The following SUGT1 variants were observed in gnomAD, a reference collection of about 807,000 sequenced individuals.
The protein encoded by SUGT1 is SGT1 assembly cochaperone of MIS12 kinetochore complex.
A neutral mutation model predicts 56.1 loss-of-function variants in SUGT1; 15 were observed. That is an observed-to-expected ratio of 0.27 (90% CI 0.18 to 0.41). SUGT1 has a LOEUF of 0.41. Among genes scored for constraint, SUGT1 ranks in the 10% least tolerant of loss-of-function variants. SUGT1 has a pLI of 1.00. For synonymous variants in SUGT1, 123 were observed against 128.6 expected (o/e 0.96, Z 0.30); for missense variants, 347 against 382.2 (o/e 0.91, Z 0.77).
At chr13:52,657,655 T>G (rs549516637) in intron 3 of SUGT1, 33 bp downstream of exon 3, 1 of 1,564,206 alleles carries the variant, frequency 6.4e-7, no homozygotes, top group East Asian at 2.2e-5. Flanking sequence ...TTGCCCCCTT[T>G]TAATAAGTTA....
At chr13:52,657,504 C>T (rs753744679) in intron 2 of SUGT1, 28 bp from the exon 3 acceptor site, 2 of 1,594,590 alleles carry the variant, frequency 1.3e-6, no homozygotes, top group Non-Finnish European at 1.7e-6. Flanking sequence ...CAAACTTTTA[C>T]TGACGCTCCA....
chr13:52,676,336 T>A lies in SUGT1; in HGVS notation c.718+16T>A. 6.3e-7 allele frequency: 1 copy of A among 1,596,484 alleles called. No homozygotes were observed. The highest frequency in any genetic ancestry group is 1.3e-5 in the African/African-American group (1 of 74,322). ...TTCGTAGCAGGTTTGTTTTCTGGCC[T>A]TGATGAGCTTTATATTCATATTGTG... On this transcript the variant is annotated intron_variant, in intron 11 of 12. Transcript: ENST00000310528.
intron 12 of SUGT1, chr13:52,687,482 G>C (rs1435900864): frequency 8.6e-6 from 2 of 232,932 alleles, no homozygotes; most frequent in African/African-American, 4.5e-5. Flanking sequence ...ACTACTTTAG[G>C]ATTTCCTTTT....
rs1249023865 is a variant in SUGT1 at position 52,657,516 on chromosome 13, A to G, written c.97-16A>G. The stretch of plus-strand genomic sequence containing the variant: ...TTACAAACTTTTACTGACGCTCCAC[A>G]TGTTTGTTTTTGTAGGAGCTGACTA... On this transcript the variant is annotated splice_polypyrimidine_tract_variant and intron_variant, in intron 2 of 12. Transcript: ENST00000310528. 1.2e-6 allele frequency: 2 copies of G among 1,608,612 alleles called. No homozygotes were observed. Among genetic ancestry groups the G allele is most frequent in the African/African-American group, 1.3e-5 (1 of 74,760 alleles).
At chr13:52,661,567 A>G (rs962327842) in intron 5 of SUGT1, 16 of 415,666 alleles carry the variant, frequency 3.8e-5, no homozygotes, top group Non-Finnish European at 7.2e-5. Context: ...TGCTGGGATT[A>G]CAGGTATGAG....
chr13:52,662,974 A>T, intron 6 of SUGT1, 122 bp from the exon 7 acceptor site: 3 of 1,102,552 alleles, frequency 2.7e-6, no homozygotes, highest in South Asian at 3.2e-5. Context: ...ACTTTTCTTT[A>T]GTTGAAAGGT....
chr13:52,684,809 T>C (rs1469524738), intron 12 of SUGT1, among the ~76,000 whole-genome samples: 1 of 152,042 alleles, frequency 6.6e-6, no homozygotes, highest in African/African-American at 2.4e-5. Context: ...ATTACAGGCA[T>C]GAGCCACCAC....
intron 2 of SUGT1, among the ~76,000 whole-genome samples, chr13:52,654,610 C>T (rs905089868): frequency 6.6e-6 from 1 of 152,202 alleles, no homozygotes; most frequent in Non-Finnish European, 1.5e-5. Context: ...TTCTTACTGT[C>T]CTGCTGACTC....
rs1963787310 is a variant in SUGT1 at position 52,691,852 on chromosome 13, C to T, written c.*4017C>T. 6.6e-6 allele frequency: 1 copy of T among 151,832 alleles called. No individual in the cohort carries two copies. The highest frequency in any genetic ancestry group is 6.6e-5 in the Admixed American group (1 of 15,250). 9.4% of individuals were successfully genotyped at this position (151,832 alleles called of 1,614,324 possible). On this transcript the variant is annotated 3_prime_UTR_variant, in exon 13 of 13. Coordinates refer to ENST00000310528, the MANE Select transcript of SUGT1 (RefSeq NM_006704.5). ...GGGTTCATCTCTTTTGATGTGGTTT[C>T]CCTTTCTCCATCTGTGCATTTTTTA...
At chr13:52,681,760 A>G (rs1047599619) in intron 12 of SUGT1, among the ~76,000 whole-genome samples, 4 of 151,274 alleles carry the variant, frequency 2.6e-5, no homozygotes, top group Non-Finnish European at 5.9e-5. Flanking sequence ...GTTTGAGCCC[A>G]GGAGTTCAAG....
At position 52,680,027 on chromosome 13, in the gene SUGT1, T is replaced by C; in HGVS notation, c.772T>C (p.Leu258=). 6.2e-7 allele frequency: 1 copy of C among 1,602,836 alleles called. No individual in the cohort carries two copies. The highest frequency in any genetic ancestry group is 8.5e-7 in the Non-Finnish European group (1 of 1,177,100). ...TCCTTATACAAGAAATTGGGATAAATTGGTTGGTGAGATCAAAGAAGAAGA... is the reference window on the plus strand; with the variant it reads ...TCCTTATACAAGAAATTGGGATAAACTGGTTGGTGAGATCAAAGAAGAAGA... ...SSPYTRNWDK[L]VGEIKEEEKN... The change falls in exon 12 of 13, where the codon TTG becomes CTG. Residue 258 remains leucine, a synonymous_variant. Coordinates refer to ENST00000310528, the MANE Select transcript of SUGT1 (RefSeq NM_006704.5).
At chr13:52,658,891 T>A (rs1303641025) in intron 4 of SUGT1, among the ~76,000 whole-genome samples, 1 of 152,104 alleles carries the variant, frequency 6.6e-6, no homozygotes, top group Non-Finnish European at 1.5e-5. Context: ...TTGATAAGTA[T>A]AACTATTCTT....
At chr13:52,687,123 T>G (rs1963626633) in intron 12 of SUGT1, 1 of 149,624 alleles carries the variant, frequency 6.7e-6, no homozygotes, top group Non-Finnish European at 1.5e-5. Context: ...TAAAATATAT[T>G]AATGAATATG....
intron 3 of SUGT1, 29 bp from the exon 4 acceptor site, chr13:52,658,370 T>C (rs1962262389): frequency 6.2e-7 from 1 of 1,608,002 alleles, no homozygotes; most frequent in African/African-American, 1.3e-5. Flanking sequence ...TATAAATAAC[T>C]GACTAAAAAC....
At chr13:52,667,590 C>T (rs1416738048) in intron 10 of SUGT1, among the ~76,000 whole-genome samples, 1 of 150,844 alleles carries the variant, frequency 6.6e-6, no homozygotes, top group African/African-American at 2.4e-5. Context: ...TTTTTTTAAA[C>T]TGAATTTTAG....
At chr13:52,681,776 A>G (rs1292085359) in intron 12 of SUGT1, among the ~76,000 whole-genome samples, 9 of 151,628 alleles carry the variant, frequency 5.9e-5, no homozygotes, top group Admixed American at 5.3e-4. Context: ...TCAAGGTTGC[A>G]GTGAGCTATG....
At chr13:52,662,757 A>T (rs1328688709) in intron 6 of SUGT1, 55 bp downstream of exon 6, 2 of 1,568,954 alleles carry the variant, frequency 1.3e-6, no homozygotes, top group East Asian at 4.5e-5. Context: ...AAACATCTGA[A>T]ATTTTTTTGG....
chr13:52,675,918 G>C (rs1365470870), intron 10 of SUGT1, among the ~76,000 whole-genome samples: 1 of 152,052 alleles, frequency 6.6e-6, no homozygotes, highest in Non-Finnish European at 1.5e-5. Context: ...TCCAGACATG[G>C]CTAAATGTCC....
intron 10 of SUGT1, among the ~76,000 whole-genome samples, chr13:52,670,901 G>A (rs1364601012): frequency 1.3e-5 from 2 of 152,140 alleles, no homozygotes; most frequent in African/African-American, 2.4e-5. Flanking sequence ...TCATAGTTAA[G>A]TCATAGTAAT....
Sources: allele counts gnomAD v4.1 joint callset (sites outside exome capture counted in the v4.1 genomes callset), GRCh38; gene constraint gnomAD v4.1.1; transcripts MANE v1.5; gene names NCBI Gene and HGNC (gene_info 2026-07-23, HGNC 2026-07-21).